The following FRMD8 variants were observed in gnomAD, a reference collection of about 807,000 sequenced individuals.
FRMD8 encodes the protein FERM domain-containing protein 8.
FRMD8 carries 37 observed loss-of-function variants against 54.2 expected under a neutral mutation model. The ratio of observed to expected loss-of-function variants is 0.68; its 90% CI spans 0.53 to 0.90. FRMD8 has a LOEUF of 0.90. Ranked by LOEUF, FRMD8 falls within the 40% of genes least tolerant of loss-of-function variation. The pLI is 0.00. For synonymous variants in FRMD8, 246 were observed against 286.9 expected (o/e 0.86, Z 1.44); for missense variants, 585 against 653.7 (o/e 0.89, Z 1.15).
At chr11:65,397,687 T>C (rs1855985472) in intron 7 of FRMD8, among the ~76,000 whole-genome samples, 1 of 151,780 alleles carries the variant, frequency 6.6e-6, no homozygotes, top group South Asian at 2.1e-4. Flanking sequence ...CACTGTGGAG[T>C]GGTCAGGGAA....
intron 10 of FRMD8, 55 bp from the exon 11 acceptor site, chr11:65,411,187 C>G (rs1227486350): frequency 7.0e-7 from 1 of 1,423,950 alleles, no homozygotes; most frequent in African/African-American, 1.4e-5. Flanking sequence ...TGGGCCTGAG[C>G]CCCCTCACAC....
the FRMD8 span, chr11:65,376,804 G>A: frequency 3.3e-5 from 54 of 1,614,072 alleles, no homozygotes; most frequent in Admixed American, 1.5e-4. Flanking sequence ...ATCCTCTCAC[G>A]CCACTTTACT....
At chr11:65,378,422 T>A in the FRMD8 span, 1 of 152,322 alleles carries the variant, frequency 6.6e-6, no homozygotes, top group African/African-American at 2.4e-5. Flanking sequence ...CCACTTCTGC[T>A]TTCCAAAGAG....
rs1856335644 is a variant in FRMD8 at position 65,411,592 on chromosome 11, C to T, written c.*232C>T. The stretch of plus-strand genomic sequence containing the variant: ...CCTCTGCAGCCTGCCCTCCCTTCCC[C>T]CGGATGCTGGGCCCTGCTGCTCTCT... On this transcript the variant is annotated 3_prime_UTR_variant, in exon 11 of 11. Transcript: ENST00000317568. 1 of 422,006 alleles carries T rather than the reference C, an allele frequency of 2.4e-6. No homozygotes were observed. Among genetic ancestry groups the T allele is most frequent in the Admixed American group, 4.3e-5 (1 of 23,470 alleles). 26.1% of individuals were successfully genotyped at this position (422,006 alleles called of 1,614,324 possible).
chr11:65,380,674 C>A, the FRMD8 span: 4 of 1,154,098 alleles, frequency 3.5e-6, no homozygotes, highest in East Asian at 2.3e-4. Flanking sequence ...GGAGCTTCTC[C>A]CCTCCCCTCC....
intron 10 of FRMD8, 149 bp downstream of exon 10, chr11:65,405,217 G>A: frequency 1.4e-6 from 1 of 734,012 alleles, no homozygotes; most frequent in Non-Finnish European, 2.3e-6. Flanking sequence ...AGCAGGCCGA[G>A]CCCGGGCCTT....
intron 2 of FRMD8, among the ~76,000 whole-genome samples, 187 bp from the exon 3 acceptor site, chr11:65,389,174 G>A (rs1190538922): frequency 1.3e-5 from 2 of 152,212 alleles, no homozygotes; most frequent in African/African-American, 2.4e-5. Flanking sequence ...ATTCGTGATA[G>A]GGTCTTTTGG....
the FRMD8 span, chr11:65,377,133 C>CCTATA: frequency 1.2e-5 from 19 of 1,557,598 alleles, no homozygotes; most frequent in Non-Finnish European, 1.6e-5. Flanking sequence ...GAACTGGCCC[C>CCTATA]TTATATTCAC....
At chr11:65,390,873 G>A (rs1007603561) in intron 3 of FRMD8, among the ~76,000 whole-genome samples, 2 of 152,274 alleles carry the variant, frequency 1.3e-5, no homozygotes, top group Non-Finnish European at 1.5e-5. Flanking sequence ...GCCGGAGGCC[G>A]TGAATGGGCT....
the FRMD8 span, among the ~76,000 whole-genome samples, chr11:65,368,224 C>T: frequency 5.9e-5 from 9 of 151,966 alleles, no homozygotes; most frequent in South Asian, 1.5e-3. Context: ...TACAGGCATG[C>T]ACCACCGTAC....
the FRMD8 span, among the ~76,000 whole-genome samples, chr11:65,370,625 G>T: frequency 6.6e-6 from 1 of 151,780 alleles, no homozygotes; most frequent in African/African-American, 2.4e-5. Context: ...GCTTAAACCC[G>T]GGAAGCAGAC....
the FRMD8 span, among the ~76,000 whole-genome samples, chr11:65,369,609 AATCCCAGCTATTGAGGAGGCTGAG>A: frequency 6.6e-6 from 1 of 151,904 alleles, no homozygotes; most frequent in Non-Finnish European, 1.5e-5. Flanking sequence ...GGGCACCTGT[AATCCCAGCTATTGAGGAGGCTGAG>A]ACAGGAGAAT....
intron 10 of FRMD8, among the ~76,000 whole-genome samples, chr11:65,410,364 G>A (rs953131926): frequency 2.0e-5 from 3 of 151,626 alleles, no homozygotes; most frequent in South Asian, 4.2e-4. Flanking sequence ...GCGTGGTGGC[G>A]CACACCTGTA....
At chr11:65,380,302 C>A in the FRMD8 span, 1 of 1,377,968 alleles carries the variant, frequency 7.3e-7, no homozygotes, top group South Asian at 1.2e-5. Context: ...ACACATGCAG[C>A]CACCTTCCTG....
chr11:65,392,425 G>A (rs573309345), intron 3 of FRMD8, among the ~76,000 whole-genome samples: 1 of 152,344 alleles, frequency 6.6e-6, no homozygotes, highest in Non-Finnish European at 1.5e-5. Flanking sequence ...TGGAGCAAGC[G>A]CTGGCTCCTG....
intron 10 of FRMD8, among the ~76,000 whole-genome samples, chr11:65,405,960 G>C (rs1274926436): frequency 1.3e-5 from 2 of 151,932 alleles, no homozygotes; most frequent in Non-Finnish European, 2.9e-5. Flanking sequence ...AGCTACGATT[G>C]TACCACTGCA....
upstream of FRMD8, chr11:65,381,852 A>G (rs201038206): frequency 2.7e-3 from 4,294 of 1,607,548 alleles, 7 homozygotes; most frequent in Non-Finnish European, 3.0e-3. Flanking sequence ...CATGTCACCC[A>G]TCTTCCCGAG....
the FRMD8 span, chr11:65,380,217 C>T: frequency 5.6e-6 from 9 of 1,613,812 alleles, no homozygotes; most frequent in African/African-American, 1.3e-5. Flanking sequence ...GCCCTCGTGC[C>T]AGGCCCAGGA....
At chr11:65,377,286 C>T in the FRMD8 span, 4 of 1,407,860 alleles carry the variant, frequency 2.8e-6, no homozygotes, top group Non-Finnish European at 3.7e-6. Context: ...TGGCATCAGG[C>T]CCAAGAGTGA....
Sources: allele counts gnomAD v4.1 joint callset (sites outside exome capture counted in the v4.1 genomes callset), GRCh38; gene constraint gnomAD v4.1.1; transcripts MANE v1.5; gene names NCBI Gene and HGNC (gene_info 2026-07-23, HGNC 2026-07-21).